Variants in ZCCHC7 observed in about 807,000 individuals in gnomAD.
The protein encoded by ZCCHC7 is zinc finger CCHC-type containing 7.
A neutral mutation model predicts 52.0 loss-of-function variants in ZCCHC7; 35 were observed. That is an observed-to-expected ratio of 0.67 (90% CI 0.51 to 0.89). The LOEUF (loss-of-function observed/expected upper bound fraction) is 0.89, where lower values mean the gene tolerates loss of function less well. Among genes scored for constraint, ZCCHC7 ranks in the 40% least tolerant of loss-of-function variants. The probability of loss-of-function intolerance (pLI) is 0.00; values close to 1 mark genes in which losing one functional copy is unlikely to be tolerated. For missense variants in ZCCHC7, 574 were observed against 649.1 expected, an observed-to-expected ratio of 0.88 and a Z score of 1.26; for synonymous variants, 217 against 221.5, an observed-to-expected ratio of 0.98 and a Z score of 0.18.
At chr9:37,315,116 G>C (rs1829757986) in intron 5 of ZCCHC7, among the ~76,000 whole-genome samples, 1 of 145,230 alleles carries the variant, frequency 6.9e-6, no homozygotes, top group East Asian at 2.0e-4. Context: ...TTATATTTCA[G>C]TTAAAAAAAA....
chr9:37,262,139 G>A (rs1826895029), intron 2 of ZCCHC7, among the ~76,000 whole-genome samples: 1 of 151,922 alleles, frequency 6.6e-6, no homozygotes, highest in African/African-American at 2.4e-5. Flanking sequence ...CAGATCATAA[G>A]TAGAACATAT....
At chr9:37,310,828 G>A (rs185202565) in intron 5 of ZCCHC7, among the ~76,000 whole-genome samples, 163 of 151,868 alleles carry the variant, frequency 1.1e-3, no homozygotes, top group African/African-American at 3.6e-3. Context: ...AGGGTGGCAC[G>A]CACCTGTAGT....
chr9:37,132,738 T>G lies in ZCCHC7; in HGVS notation c.610+5796T>G, dbSNP rs376422250. 2.6e-4 allele frequency among the ~76,000 whole-genome samples: 40 copies of G among 152,362 alleles called. No homozygotes were observed. In the East Asian group the frequency reaches 5.0e-3, roughly 19 times the overall value. ...AACCTATTTACATCCTCTCGTATAC[T>G]TTTAAGTCCGGGGTGTCCAATCTTT... is the stretch of plus-strand genomic sequence containing the variant. On this transcript the variant is annotated intron_variant, in intron 2 of 8. Coordinates refer to ENST00000336755, the MANE Select transcript of ZCCHC7 (RefSeq NM_032226.3).
At chr9:37,287,155 A>G (rs1000620252) in intron 2 of ZCCHC7, among the ~76,000 whole-genome samples, 1 of 147,360 alleles carries the variant, frequency 6.8e-6, no homozygotes, top group Non-Finnish European at 1.5e-5. Flanking sequence ...TCAGCCTCCC[A>G]AGTAGCTAGG....
intron 2 of ZCCHC7, among the ~76,000 whole-genome samples, chr9:37,294,907 G>C (rs531990174): frequency 1.3e-5 from 2 of 152,072 alleles, no homozygotes; most frequent in Non-Finnish European, 2.9e-5. Context: ...ATATAGATAA[G>C]ATGCTTTCAG....
At chr9:37,128,264 G>T (rs1490402609) in intron 2 of ZCCHC7, among the ~76,000 whole-genome samples, 5 of 152,162 alleles carry the variant, frequency 3.3e-5, no homozygotes, top group South Asian at 2.1e-4. Context: ...TCAAATATTT[G>T]TAGAGGTAGA....
At chr9:37,281,063 T>C (rs1231505635) in intron 2 of ZCCHC7, among the ~76,000 whole-genome samples, 1 of 152,188 alleles carries the variant, frequency 6.6e-6, no homozygotes, top group African/African-American at 2.4e-5. Flanking sequence ...ATACTAACTC[T>C]AAGTAGAGTT....
chr9:37,126,289 G>T, intron 1 of ZCCHC7, 23 bp from the exon 2 acceptor site: 1 of 1,573,326 alleles, frequency 6.4e-7, no homozygotes. Context: ...AGTATATTCT[G>T]TGTACAACTT....
intron 2 of ZCCHC7, among the ~76,000 whole-genome samples, chr9:37,143,644 C>T (rs1010237012): frequency 5.9e-5 from 9 of 151,436 alleles, no homozygotes; most frequent in South Asian, 2.1e-4. Flanking sequence ...ATTTTCAAAA[C>T]GTAGAGTGCT....
intron 5 of ZCCHC7, among the ~76,000 whole-genome samples, chr9:37,319,006 T>C (rs1423808408): frequency 7.9e-5 from 12 of 152,094 alleles, no homozygotes; most frequent in Admixed American, 7.9e-4. Flanking sequence ...TCAGGAATTA[T>C]AGATGTTTTA....
chr9:37,304,280 T>G lies in ZCCHC7; in HGVS notation c.747T>G (p.Arg249=). The G allele has an allele frequency of 6.2e-7, 1 of 1,614,012 alleles. No individual in the cohort carries two copies. The highest frequency in any genetic ancestry group is 8.5e-7 in the Non-Finnish European group (1 of 1,179,922). The change falls in exon 4 of 9, where the codon CGT becomes CGG. Residue 249 remains arginine, a synonymous_variant. Transcript: ENST00000336755. ...KNIICRNCDK[R]GHLSKNCPLP... is the part of the protein sequence containing the mutation. ...TTATCTGTAGAAATTGTGACAAACGTGGTCATTTATCAAAAAACTGCCCCT... is the reference window on the plus strand; with the variant it reads ...TTATCTGTAGAAATTGTGACAAACGGGGTCATTTATCAAAAAACTGCCCCT...
chr9:37,299,768 T>C (rs182982207), intron 2 of ZCCHC7, among the ~76,000 whole-genome samples: 1 of 152,342 alleles, frequency 6.6e-6, no homozygotes, highest in African/African-American at 2.4e-5. Flanking sequence ...ACTTGATCTA[T>C]TGTTGAAACT....
At chr9:37,161,525 A>C (rs1398742687) in intron 2 of ZCCHC7, among the ~76,000 whole-genome samples, 1 of 152,100 alleles carries the variant, frequency 6.6e-6, no homozygotes, top group African/African-American at 2.4e-5. Flanking sequence ...CAGTGAGCCA[A>C]GATGGCGTCA....
Position 37,126,728 on chromosome 9 carries a change from A to G in ZCCHC7, c.396A>G (p.Lys132=), listed in dbSNP as rs756414775. ...SLQSNELVDK[K]CKSDIEKPKS... ...AATCTAATGAGCTGGTTGATAAGAA[A>G]TGCAAGAGTGATATTGAGAAGCCTA... is the stretch of plus-strand genomic sequence containing the variant. Residue 132 remains lysine (K), a synonymous_variant, in exon 2 of 9, where the codon AAA becomes AAG. Transcript: ENST00000336755. 6.8e-6 allele frequency: 11 copies of G among 1,614,046 alleles called. No homozygotes were observed. Among genetic ancestry groups the G allele is most frequent in the Non-Finnish European group, 7.6e-6 (9 of 1,180,028 alleles).
chr9:37,184,801 A>G (rs1053517309), intron 2 of ZCCHC7, among the ~76,000 whole-genome samples: 1 of 151,520 alleles, frequency 6.6e-6, no homozygotes, highest in Non-Finnish European at 1.5e-5. Flanking sequence ...TTTTGGGATA[A>G]CTCTTTGAGT....
At chr9:37,318,842 C>G (rs1255593534) in intron 5 of ZCCHC7, among the ~76,000 whole-genome samples, 1 of 150,806 alleles carries the variant, frequency 6.6e-6, no homozygotes, top group African/African-American at 2.4e-5. Flanking sequence ...GTGGGAGAAT[C>G]ACAAGTCAGA....
chr9:37,150,593 AT>A (rs903422243), intron 2 of ZCCHC7, among the ~76,000 whole-genome samples: 8 of 152,276 alleles, frequency 5.3e-5, no homozygotes, highest in Non-Finnish European at 1.2e-4. Context: ...AGAAAAGCAT[AT>A]TTTTGCATCA....
intron 5 of ZCCHC7, among the ~76,000 whole-genome samples, chr9:37,316,259 C>T (rs927891773): frequency 6.6e-6 from 1 of 151,448 alleles, no homozygotes; most frequent in Non-Finnish European, 1.5e-5. Flanking sequence ...GGGGTTTCGC[C>T]ATGTTGTCCA....
chr9:37,186,929 T>C, intron 2 of ZCCHC7: 1 of 315,652 alleles, frequency 3.2e-6, no homozygotes, highest in Non-Finnish European at 6.1e-6. Context: ...GCTTTGACTT[T>C]AAAAGGCAAG....
Sources: gnomAD v4.1 joint callset for allele counts (sites outside exome capture counted in the v4.1 genomes callset) on GRCh38, gnomAD v4.1.1 for gene constraint, MANE v1.5 for transcripts, NCBI Gene and HGNC (gene_info 2026-07-23, HGNC 2026-07-21) for gene names.